Variants in GLI2 observed in about 807,000 individuals in gnomAD.
The protein encoded by GLI2 is GLI family zinc finger 2.
Under a neutral mutation model 78.9 loss-of-function variants are expected in GLI2, and 22 were observed. The ratio of observed to expected loss-of-function variants is 0.28; its 90% CI spans 0.20 to 0.40. The LOEUF is 0.40. GLI2 is among the 10% of genes least tolerant of loss of function. The pLI is 1.00. For synonymous variants in GLI2, 974 were observed against 963.7 expected (o/e 1.01, Z -0.20); for missense variants, 2,097 against 2,213.2 (o/e 0.95, Z 1.05).
chr2:120,823,495 C>T (rs576635294), intron 2 of GLI2, among the ~76,000 whole-genome samples: 73 of 152,288 alleles, frequency 4.8e-4, no homozygotes, highest in Middle Eastern at 6.8e-3. Flanking sequence ...ACAGAGCATT[C>T]GGGCTGGAGC....
chr2:120,838,525 G>T (rs1432133979), intron 2 of GLI2, among the ~76,000 whole-genome samples: 1 of 152,074 alleles, frequency 6.6e-6, no homozygotes, highest in Non-Finnish European at 1.5e-5. Flanking sequence ...GATTAGCACT[G>T]TCTAATAAAA....
intron 2 of GLI2, among the ~76,000 whole-genome samples, chr2:120,891,409 G>C (rs1226877256): frequency 6.6e-6 from 1 of 152,180 alleles, no homozygotes; most frequent in Non-Finnish European, 1.5e-5. Flanking sequence ...CCTTTTCCAT[G>C]AAATGAAGGC....
intron 3 of GLI2, among the ~76,000 whole-genome samples, chr2:120,941,774 G>A (rs889451045): frequency 1.4e-4 from 21 of 152,262 alleles, no homozygotes; most frequent in Admixed American, 3.9e-4. Flanking sequence ...TGGGTGGTAG[G>A]CATCTTGGCC....
At chr2:120,875,684 C>T (rs954741187) in intron 2 of GLI2, among the ~76,000 whole-genome samples, 14 of 152,090 alleles carry the variant, frequency 9.2e-5, no homozygotes, top group African/African-American at 1.7e-4. Flanking sequence ...AAATTCTGGG[C>T]GGTCAGGCAC....
At chr2:120,909,083 G>A (rs541867394) in intron 2 of GLI2, among the ~76,000 whole-genome samples, 1 of 152,212 alleles carries the variant, frequency 6.6e-6, no homozygotes, top group South Asian at 2.1e-4. Flanking sequence ...CCAGTTCCCC[G>A]GTCCCCTGAG....
chr2:120,755,089 G>A (rs542216431), intron 1 of GLI2, among the ~76,000 whole-genome samples: 6 of 152,242 alleles, frequency 3.9e-5, no homozygotes, highest in African/African-American at 1.4e-4. Context: ...GACCTCAAAT[G>A]GTCTACCCGC....
intron 2 of GLI2, among the ~76,000 whole-genome samples, chr2:120,914,673 A>G (rs560829559): frequency 1.1e-4 from 17 of 152,232 alleles, no homozygotes; most frequent in Non-Finnish European, 1.6e-4. Flanking sequence ...CCCTTGCTAA[A>G]GGGGCAGGAG....
In GLI2 at chr2:120,910,507, T is replaced by C. The variant is rs1472155382; in HGVS notation, c.149-16854T>C. The stretch of plus-strand genomic sequence containing the variant: ...CAGGGCTATTAGCGGGGTCCATCAT[T>C]AATCAGCGCAGAACCAAGTGGGTGC... On this transcript the variant is annotated intron_variant, in intron 2 of 13. Coordinates refer to ENST00000361492, the MANE Select transcript of GLI2 (RefSeq NM_001374353.1). Among the ~76,000 whole-genome samples, 3 of 152,336 alleles carry C rather than the reference T, an allele frequency of 2.0e-5. No homozygotes were observed. The East Asian group carries it at 5.8e-4, about 29-fold the overall frequency.
At chr2:120,771,602 C>G (rs1206108149) in intron 1 of GLI2, among the ~76,000 whole-genome samples, 1 of 152,218 alleles carries the variant, frequency 6.6e-6, no homozygotes, top group Non-Finnish European at 1.5e-5. Flanking sequence ...CTCTGACTGC[C>G]CTTCCAGTCG....
intron 2 of GLI2, among the ~76,000 whole-genome samples, chr2:120,838,097 T>C (rs1686701263): frequency 6.6e-6 from 1 of 152,164 alleles, no homozygotes; most frequent in East Asian, 1.9e-4. Context: ...TCATTTTGAG[T>C]TTTCCCGCCC....
intron 2 of GLI2, among the ~76,000 whole-genome samples, chr2:120,825,983 G>GCTGGGTGAGAACACCACAGGCC (rs1686036654): frequency 6.6e-6 from 1 of 152,214 alleles, no homozygotes; most frequent in Non-Finnish European, 1.5e-5. Context: ...GGGATAGGAT[G>GCTGGGTGAGAACACCACAGGCC]CTGGGTGAGA....
chr2:120,962,943 C>T (rs570822146), intron 5 of GLI2, among the ~76,000 whole-genome samples: 1 of 152,308 alleles, frequency 6.6e-6, no homozygotes, highest in East Asian at 1.9e-4. Context: ...ATTTGCCACT[C>T]AGTTTGTAAG....
chr2:120,839,367 A>G (rs568048838), intron 2 of GLI2, among the ~76,000 whole-genome samples: 1 of 152,322 alleles, frequency 6.6e-6, no homozygotes, highest in African/African-American at 2.4e-5. Context: ...TTTAATGGTT[A>G]GAGGTAATTC....
In GLI2 at chr2:120,980,031, T is replaced by G. The variant is rs111591118; in HGVS notation, c.1467+1448T>G. Among the ~76,000 whole-genome samples the G allele has an allele frequency of 3.3e-4, 51 of 152,390 alleles. 1 individual carries two copies. Among genetic ancestry groups the G allele is most frequent in the African/African-American group, 1.2e-3 (49 of 41,594 alleles). The stretch of plus-strand genomic sequence containing the variant: ...TTGTATGGATAGACCATGTTTTGTT[T>G]ATGCATTCATCAGTTGATGGATATT... On this transcript the variant is annotated intron_variant, in intron 10 of 13. Transcript: ENST00000361492.
chr2:120,747,522 C>T (rs2104628246), intron 1 of GLI2, among the ~76,000 whole-genome samples: 1 of 152,334 alleles, frequency 6.6e-6, no homozygotes, highest in Non-Finnish European at 1.5e-5. Context: ...GCACTGATTT[C>T]TCAACTGGGC....
chr2:120,938,834 C>T (rs1680315191), intron 3 of GLI2, among the ~76,000 whole-genome samples: 1 of 152,222 alleles, frequency 6.6e-6, no homozygotes, highest in Admixed American at 6.5e-5. Context: ...TCACCACCAC[C>T]ACCAGCCCTG....
intron 2 of GLI2, among the ~76,000 whole-genome samples, chr2:120,913,315 C>T (rs1241365305): frequency 6.6e-6 from 1 of 152,062 alleles, no homozygotes; most frequent in Non-Finnish European, 1.5e-5. Context: ...AAGATAGGTA[C>T]CAGGTTTTGA....
chr2:120,944,110 C>A (rs1005042692), intron 3 of GLI2, among the ~76,000 whole-genome samples: 1 of 152,244 alleles, frequency 6.6e-6, no homozygotes, highest in Admixed American at 6.5e-5. Context: ...GGCATGCTCG[C>A]TTAGGCCCAG....
chr2:120,942,823 C>T (rs761175999), intron 3 of GLI2, among the ~76,000 whole-genome samples: 5 of 150,732 alleles, frequency 3.3e-5, no homozygotes, highest in Non-Finnish European at 5.9e-5. Flanking sequence ...CATTCGTTCA[C>T]GCCCTCACTC....
Sources: gnomAD v4.1 joint callset for allele counts (sites outside exome capture counted in the v4.1 genomes callset) on GRCh38, gnomAD v4.1.1 for gene constraint, MANE v1.5 for transcripts, NCBI Gene and HGNC (gene_info 2026-07-23, HGNC 2026-07-21) for gene names.